The following TAC3 variants were observed in gnomAD, a reference collection of about 807,000 sequenced individuals.
TAC3 encodes the protein tachykinin-3.
Under a neutral mutation model 16.5 loss-of-function variants are expected in TAC3, and 9 were observed. That is an observed-to-expected ratio of 0.55 (90% CI 0.33 to 0.95). The LOEUF (loss-of-function observed/expected upper bound fraction) is 0.95, where lower values mean the gene tolerates loss of function less well. Ranked by LOEUF, TAC3 falls within the 40% of genes least tolerant of loss-of-function variation. The probability of loss-of-function intolerance (pLI) is 0.03; values close to 1 mark genes in which losing one functional copy is unlikely to be tolerated. For missense variants in TAC3, 129 were observed against 149.1 expected, an observed-to-expected ratio of 0.87 and a Z score of 0.70; for synonymous variants, 52 against 56.7, an observed-to-expected ratio of 0.92 and a Z score of 0.37.
chr12:57,016,213 G>C (rs1377867072), intron 1 of TAC3, among the ~76,000 whole-genome samples, 174 bp downstream of exon 1: 1 of 152,192 alleles, frequency 6.6e-6, no homozygotes, highest in East Asian at 1.9e-4. Context: ...GAATGAGTCT[G>C]TAGCCACAGG....
chr12:57,016,423 G>A lies in TAC3; in HGVS notation c.-42C>T, dbSNP rs1263495875. ...CTCTGTGCCGGGGGCTGGGTGGTCT[G>A]GCAGGATCAAGGAACTGGCTAGGAC... On this transcript the variant is annotated 5_prime_UTR_variant, in exon 1 of 7. Coordinates refer to ENST00000458521, the MANE Select transcript of TAC3 (RefSeq NM_013251.4). 1 of 453,726 alleles carries A rather than the reference G, an allele frequency of 2.2e-6. No individual in the cohort carries two copies. The highest frequency in any genetic ancestry group is 4.4e-6 in the Non-Finnish European group (1 of 226,294). 28.1% of individuals were successfully genotyped at this position (453,726 alleles called of 1,614,324 possible). A position where few individuals can be genotyped will look rare whatever the true frequency, so the allele number is the denominator to read the frequency against.
intron 6 of TAC3, 60 bp from the exon 7 acceptor site, chr12:57,010,348 TAAA>T (rs928090771): frequency 2.8e-6 from 1 of 351,364 alleles, no homozygotes; most frequent in Non-Finnish European, 5.6e-6. Context: ...TTATATCCTG[TAAA>T]AAAGTCCCAC....
chr12:57,016,199 G>A (rs1385089796), intron 1 of TAC3, among the ~76,000 whole-genome samples, 188 bp downstream of exon 1: 4 of 152,180 alleles, frequency 2.6e-5, no homozygotes, highest in African/African-American at 9.7e-5. Flanking sequence ...TTTCTGGTAT[G>A]AAAGAATGAG....
intron 6 of TAC3, among the ~76,000 whole-genome samples, chr12:57,011,702 A>G (rs573187551): frequency 2.6e-4 from 40 of 152,214 alleles, no homozygotes; most frequent in Non-Finnish European, 3.8e-4. Context: ...ACCCTGTGAG[A>G]TACTATTATC....
Position 57,013,599 on chromosome 12 carries a change from C to T in TAC3, c.187G>A (p.Ala63Thr), listed in dbSNP as rs773378963. The T allele has an allele frequency of 6.2e-7, 1 of 1,613,630 alleles. No individual in the cohort carries two copies. Among genetic ancestry groups the T allele is most frequent in the Non-Finnish European group, 8.5e-7 (1 of 1,179,942 alleles). ...SHSSLEGLLK[A>T]LSQASTDPKE... ...CTACCTGTGCTAGCCTGGCTCAGGG[C>T]TTTGAGCAATCCCTCCAGAGATGAG... The change falls in exon 3 of 7, where the codon GCC becomes ACC. Residue 63 changes from alanine to threonine, a missense_variant. By Grantham distance (58) the Ala-to-Thr change is moderately conservative. Transcript: ENST00000458521.
chr12:57,013,012 G>T, intron 4 of TAC3, 137 bp from the exon 5 acceptor site: 1 of 1,091,062 alleles, frequency 9.2e-7, no homozygotes, highest in Non-Finnish European at 1.4e-6. Context: ...CTCACAGTTA[G>T]CAAGTGCCTC....
intron 6 of TAC3, among the ~76,000 whole-genome samples, chr12:57,011,594 C>A (rs1285088323): frequency 6.6e-6 from 1 of 152,210 alleles, no homozygotes; most frequent in African/African-American, 2.4e-5. Context: ...ATCCCCCATA[C>A]CTCCCAAACT....
chr12:57,010,348 T>C (rs982266169), intron 6 of TAC3, 60 bp from the exon 7 acceptor site: 1 of 351,248 alleles, frequency 2.8e-6, no homozygotes, highest in African/African-American at 2.2e-5. Context: ...TTATATCCTG[T>C]AAAAAAGTCC....
rs1419021880 is a variant in TAC3 at position 57,016,395 on chromosome 12, C to A, written c.-14G>T. ...TTCTCCCACTTGCCTACCTGTGGAGCAGCTCTGTGCCGGGGGCTGGGTGGT... is the reference window on the plus strand; with the variant it reads ...TTCTCCCACTTGCCTACCTGTGGAGAAGCTCTGTGCCGGGGGCTGGGTGGT... On this transcript the variant is annotated 5_prime_UTR_variant, in exon 1 of 7. Coordinates refer to ENST00000458521, the MANE Select transcript of TAC3 (RefSeq NM_013251.4). The A allele has an allele frequency of 4.5e-6, 2 of 448,572 alleles. No homozygotes were observed. Among genetic ancestry groups the A allele is most frequent in the Non-Finnish European group, 9.0e-6 (2 of 222,242 alleles). The allele number at this position is 448,572 out of a possible 1,614,324, so 27.8% of individuals were successfully genotyped here.
In TAC3 at chr12:57,014,157, T is replaced by G. The variant is rs962233390; in HGVS notation, c.115-486A>C. ...AGGCAACATGCTCAGAAGGCACGTC[T>G]TCTTCTCTCCACAACTGAATCCCAA... On this transcript the variant is annotated intron_variant, in intron 2 of 6. Coordinates refer to ENST00000458521, the MANE Select transcript of TAC3 (RefSeq NM_013251.4). 5.9e-5 allele frequency among the ~76,000 whole-genome samples: 9 copies of G among 152,202 alleles called. No individual in the cohort carries two copies. In the South Asian group the frequency reaches 6.2e-4, roughly 11 times the overall value.
chr12:57,015,632 C>G, intron 2 of TAC3, 52 bp downstream of exon 2: 20 of 1,540,530 alleles, frequency 1.3e-5, no homozygotes, highest in Non-Finnish European at 1.8e-5. Context: ...TCCAGACAGG[C>G]AGAGTCCCAA....
At chr12:57,013,965 TG>T (rs1028295999) in intron 2 of TAC3, among the ~76,000 whole-genome samples, 2 of 152,218 alleles carry the variant, frequency 1.3e-5, no homozygotes, top group African/African-American at 4.8e-5. Flanking sequence ...TTCACATGCA[TG>T]GTGAGATTGG....
chr12:57,015,619 C>T (rs1314758912), intron 2 of TAC3, 65 bp downstream of exon 2: 1 of 1,451,738 alleles, frequency 6.9e-7, no homozygotes, highest in East Asian at 2.3e-5. Flanking sequence ...CTCACTACAG[C>T]TGTCCAGACA....
Position 57,015,669 on chromosome 12 carries a change from C to A in TAC3, c.114+15G>T. On this transcript the variant is annotated intron_variant, in intron 2 of 6. Coordinates refer to ENST00000458521, the MANE Select transcript of TAC3 (RefSeq NM_013251.4). ...TTCCCGTGATGTCCCCAGTACTCTG[C>A]CAGGGGAGACTTACCTTGCTGCGGC... The A allele has an allele frequency of 6.2e-7, 1 of 1,607,500 alleles. No homozygotes were observed.
Position 57,013,584 on chromosome 12 carries a change from T to C in TAC3, c.202A>G (p.Ser68Gly). 6.2e-7 allele frequency: 1 copy of C among 1,613,412 alleles called. No homozygotes were observed. The highest frequency in any genetic ancestry group is 1.7e-5 in the Admixed American group (1 of 59,950). The change falls in exon 3 of 7, where the codon AGC becomes GGC. Residue 68 changes from serine to glycine, a missense_variant. Ser to Gly is a moderately conservative substitution (Grantham distance 56). Transcript: ENST00000458521. ...CCCTAGGGCCGCCTCCTACCTGTGC[T>C]AGCCTGGCTCAGGGCTTTGAGCAAT... ...EGLLKALSQA[S>G]TDPKESTSPE...
intron 2 of TAC3, 134 bp downstream of exon 2, chr12:57,015,550 A>T: frequency 1.3e-6 from 1 of 746,244 alleles, no homozygotes; most frequent in South Asian, 1.4e-5. Flanking sequence ...CCAGAGAAAC[A>T]AAGAAATCCA....
At position 57,015,766 on chromosome 12, in the gene TAC3, A is replaced by G; in HGVS notation, c.32T>C (p.Leu11Pro). 1 of 1,614,200 alleles carries G rather than the reference A, an allele frequency of 6.2e-7. No homozygotes were observed. Among genetic ancestry groups the G allele is most frequent in the Non-Finnish European group, 8.5e-7 (1 of 1,180,024 alleles). ...AAAGCTCTGAGCTAGGCTGAAGGCC[A>G]GGATGGCTGTGAATAGCAGCATGAT... Reference protein sequence around the residue: MRIMLLFTAILAFSLAQSFGA... With the variant: MRIMLLFTAIPAFSLAQSFGA... The change falls in exon 2 of 7, where the codon CTG becomes CCG. Residue 11 changes from leucine to proline, a missense_variant. Coordinates refer to ENST00000458521, the MANE Select transcript of TAC3 (RefSeq NM_013251.4).
intron 6 of TAC3, chr12:57,012,151 C>G (rs1956306928): frequency 1.8e-6 from 1 of 562,618 alleles, no homozygotes; most frequent in African/African-American, 1.9e-5. Context: ...CAATAGTCAG[C>G]TGCCGTCCAT....
In TAC3 at chr12:57,012,425, T is replaced by G; in HGVS notation, c.320A>C (p.Asn107Thr). Reference sequence around the variant, plus strand: ...CTTGAGGATGCCAAAGCTGGGGACGTTCTCTTGATTCACATCCGTAGGAGA... The same window carrying G: ...CTTGAGGATGCCAAAGCTGGGGACGGTCTCTTGATTCACATCCGTAGGAGA... ...PDSPTDVNQE[N>T]VPSFGILKYP... The change falls in exon 6 of 7, where the codon AAC (asparagine) becomes ACC (threonine). Residue 107 changes from asparagine to threonine, a missense_variant. By Grantham distance (65) the Asn-to-Thr change is moderately conservative. Transcript: ENST00000458521. 1.9e-6 allele frequency: 3 copies of G among 1,612,618 alleles called. No individual in the cohort carries two copies. The highest frequency in any genetic ancestry group is 2.5e-6 in the Non-Finnish European group (3 of 1,179,210).
Sources: gnomAD v4.1 joint callset for allele counts (sites outside exome capture counted in the v4.1 genomes callset) on GRCh38, gnomAD v4.1.1 for gene constraint, MANE v1.5 for transcripts, NCBI Gene and HGNC (gene_info 2026-07-23, HGNC 2026-07-21) for gene names.